SLC35F4: variants seen among roughly 807,000 people sequenced by gnomAD.
The protein encoded by SLC35F4 is solute carrier family 35 member F4.
Under a neutral mutation model 44.2 loss-of-function variants are expected in SLC35F4, and 24 were observed. That is an observed-to-expected ratio of 0.54 (90% CI 0.39 to 0.76). SLC35F4 has a LOEUF of 0.76. SLC35F4 is among the 30% of genes least tolerant of loss of function. The pLI, the probability that SLC35F4 is intolerant of heterozygous loss-of-function variation, is 0.00. For synonymous variants in SLC35F4, 238 were observed against 223.6 expected (o/e 1.06, Z -0.57); for missense variants, 562 against 586.1 (o/e 0.96, Z 0.42).
chr14:57,695,592 C>T (rs2075360580), intron 1 of SLC35F4, among the ~76,000 whole-genome samples: 1 of 151,696 alleles, frequency 6.6e-6, no homozygotes, highest in African/African-American at 2.4e-5. Context: ...ACTAGTTCAA[C>T]CATTGTGGAA....
intron 1 of SLC35F4, among the ~76,000 whole-genome samples, chr14:57,822,340 A>G (rs1883257786): frequency 6.6e-6 from 1 of 152,184 alleles, no homozygotes; most frequent in Non-Finnish European, 1.5e-5. Context: ...ACTTAACACT[A>G]AAATAAGATT....
intron 1 of SLC35F4, among the ~76,000 whole-genome samples, chr14:57,638,389 T>C (rs185137068): frequency 2.6e-5 from 4 of 152,186 alleles, no homozygotes; most frequent in East Asian, 1.9e-4. Flanking sequence ...AGAGTGAACA[T>C]GGGTTGTGTG....
intron 1 of SLC35F4, among the ~76,000 whole-genome samples, chr14:57,617,718 T>C (rs1400746387): frequency 6.6e-6 from 1 of 152,148 alleles, no homozygotes; most frequent in African/African-American, 2.4e-5. Flanking sequence ...GTATGAGTCA[T>C]GGCAGAGGCA....
intron 1 of SLC35F4, among the ~76,000 whole-genome samples, chr14:57,786,352 A>C (rs2077757967): frequency 1.3e-5 from 2 of 152,136 alleles, no homozygotes. Flanking sequence ...CAGAAGACAA[A>C]GGGCATATAA....
At chr14:57,685,508 C>G (rs996421147) in intron 1 of SLC35F4, among the ~76,000 whole-genome samples, 3 of 152,130 alleles carry the variant, frequency 2.0e-5, no homozygotes, top group African/African-American at 7.2e-5. Context: ...CCCCAAGAGG[C>G]ACAATTATTA....
At chr14:57,883,745 C>A (rs1888591049) in intron 1 of SLC35F4, among the ~76,000 whole-genome samples, 1 of 152,120 alleles carries the variant, frequency 6.6e-6, no homozygotes, top group Non-Finnish European at 1.5e-5. Context: ...AATGTACAGG[C>A]AGGGCTGAGA....
intron 1 of SLC35F4, among the ~76,000 whole-genome samples, chr14:57,729,851 G>T (rs1229417118): frequency 6.6e-6 from 1 of 152,222 alleles, no homozygotes; most frequent in African/African-American, 2.4e-5. Context: ...TCAGGCCACA[G>T]TGGTAAGTCT....
intron 2 of SLC35F4, among the ~76,000 whole-genome samples, chr14:57,590,226 C>CAAAAAAAAAAAAAAAAAAAA (rs55850524): frequency 4.2e-5 from 5 of 119,180 alleles, no homozygotes; most frequent in African/African-American, 1.3e-4. Flanking sequence ...CTTGTCTATG[C>CAAAAAAAAAAAAAAAAAAAA]AAAAAAAAAA....
chr14:57,861,078 C>A (rs79497381), intron 1 of SLC35F4, among the ~76,000 whole-genome samples: 1 of 152,152 alleles, frequency 6.6e-6, no homozygotes, highest in Admixed American at 6.5e-5. Context: ...AAACTTTAAA[C>A]GGACCCTTAA....
chr14:57,679,861 C>G (rs2074833048), intron 1 of SLC35F4, among the ~76,000 whole-genome samples: 1 of 152,058 alleles, frequency 6.6e-6, no homozygotes, highest in Admixed American at 6.5e-5. Flanking sequence ...ATAACGAGTT[C>G]TGAAATTGAG....
At chr14:57,665,181 G>C (rs957557871) in intron 1 of SLC35F4, among the ~76,000 whole-genome samples, 1 of 151,952 alleles carries the variant, frequency 6.6e-6, no homozygotes, top group Non-Finnish European at 1.5e-5. Flanking sequence ...ACAAGCTGAG[G>C]TTTATAGAGA....
At chr14:57,851,120 T>C (rs1306712288) in intron 1 of SLC35F4, among the ~76,000 whole-genome samples, 1 of 152,206 alleles carries the variant, frequency 6.6e-6, no homozygotes, top group Non-Finnish European at 1.5e-5. Context: ...TTGTCATGCC[T>C]AAGACCACTG....
At chr14:57,814,874 A>T (rs1882385545) in intron 1 of SLC35F4, among the ~76,000 whole-genome samples, 1 of 152,212 alleles carries the variant, frequency 6.6e-6, no homozygotes. Context: ...AAACTGAAAC[A>T]TCTGTTTTAA....
rs549209431 is a variant in SLC35F4, at chr14:57,704,972, C to T, written c.104-110848G>A. Reference sequence around the variant, plus strand: ...CCCAATTAGGGTTGGACAGCAGAGGCTGCTTACTAGCAATAGAATGTCACC... The same window carrying T: ...CCCAATTAGGGTTGGACAGCAGAGGTTGCTTACTAGCAATAGAATGTCACC... On this transcript the variant is annotated intron_variant, in intron 1 of 7. Transcript: ENST00000556826. Among the ~76,000 whole-genome samples the T allele has an allele frequency of 3.3e-5, 5 of 152,260 alleles. No individual in the cohort carries two copies. In the South Asian group the frequency reaches 1.0e-3, roughly 32 times the overall value.
At chr14:57,889,556 T>C (rs560072116) in intron 1 of SLC35F4, among the ~76,000 whole-genome samples, 3 of 152,232 alleles carry the variant, frequency 2.0e-5, no homozygotes, top group Non-Finnish European at 2.9e-5. Context: ...CTGCAAGTCA[T>C]AGGACACCCT....
chr14:57,806,902 G>T (rs1285001696), intron 1 of SLC35F4, among the ~76,000 whole-genome samples: 1 of 152,142 alleles, frequency 6.6e-6, no homozygotes, highest in African/African-American at 2.4e-5. Context: ...GGCTTTGTGG[G>T]GAATTGCTAC....
chr14:57,938,498 A>C (rs1889857241), intron 1 of SLC35F4, among the ~76,000 whole-genome samples: 1 of 152,194 alleles, frequency 6.6e-6, no homozygotes, highest in Admixed American at 6.5e-5. Flanking sequence ...TAAAATGGAG[A>C]GAACTATATC....
chr14:57,947,940 G>A (rs1890065891), intron 1 of SLC35F4, among the ~76,000 whole-genome samples: 2 of 152,052 alleles, frequency 1.3e-5, no homozygotes, highest in Non-Finnish European at 2.9e-5. Context: ...GTATTTTGTT[G>A]AGAACTTTTG....
At chr14:57,911,182 CTTTTTGCCAATT>C (rs1889209975) in intron 1 of SLC35F4, among the ~76,000 whole-genome samples, 1 of 151,762 alleles carries the variant, frequency 6.6e-6, no homozygotes, top group Non-Finnish European at 1.5e-5. Flanking sequence ...CATTATTTTG[CTTTTTGCCAATT>C]TTTTTGTTTT....
Sources: allele counts gnomAD v4.1 joint callset (sites outside exome capture counted in the v4.1 genomes callset), GRCh38; gene constraint gnomAD v4.1.1; transcripts MANE v1.5; gene names NCBI Gene and HGNC (gene_info 2026-07-23, HGNC 2026-07-21).